The following UFD1 variants were observed in gnomAD, a reference collection of about 807,000 sequenced individuals.
The protein encoded by UFD1 is ubiquitin recognition factor in ER associated degradation 1.
In UFD1, 13 loss-of-function variants were observed where a neutral mutation model predicts 45.9. The ratio of observed to expected loss-of-function variants is 0.28; its 90% confidence interval spans 0.18 to 0.45. The LOEUF is 0.45. UFD1 is among the 20% of genes least tolerant of loss of function. UFD1 has a pLI of 1.00. For synonymous variants in UFD1, 128 were observed against 139.2 expected, an observed-to-expected ratio of 0.92 and a Z score of 0.56; for missense variants, 218 against 389.2, an observed-to-expected ratio of 0.56 and a Z score of 3.70.
At chr22:19,462,933 A>G (rs985856469) in intron 6 of UFD1, among the ~76,000 whole-genome samples, 1 of 152,070 alleles carries the variant, frequency 6.6e-6, no homozygotes, top group African/African-American at 2.4e-5. Flanking sequence ...CTTTGCCCTT[A>G]TTCTTTAAGG....
chr22:19,459,798 G>C (rs1386839180), intron 6 of UFD1, among the ~76,000 whole-genome samples: 2 of 143,840 alleles, frequency 1.4e-5, no homozygotes, highest in African/African-American at 5.1e-5. Flanking sequence ...GAGTGCAATG[G>C]TATGGTCTTG....
At chr22:19,469,147 G>A (rs1195063829) in intron 4 of UFD1, among the ~76,000 whole-genome samples, 1 of 152,220 alleles carries the variant, frequency 6.6e-6, no homozygotes, top group Non-Finnish European at 1.5e-5. Flanking sequence ...GGCACAGAAG[G>A]ATGCAGAGGT....
chr22:19,477,049 A>T lies in UFD1; in HGVS notation c.4-1447T>A, dbSNP rs191743540. On this transcript the variant is annotated intron_variant, in intron 1 of 11. Transcript: ENST00000263202. ...AAAGTTTAATTTATAAATTAGGCACAGTAAGAGATTAACAATTAATAATAA... is the reference window on the plus strand; with the variant it reads ...AAAGTTTAATTTATAAATTAGGCACTGTAAGAGATTAACAATTAATAATAA... Among the ~76,000 whole-genome samples, 757 of 151,884 alleles carry T rather than the reference A, an allele frequency of 5.0e-3. 14 individuals are homozygous for T. Among genetic ancestry groups the T allele is most frequent in the African/African-American group, 0.018 (741 of 41,396 alleles).
At chr22:19,453,525 G>A in intron 11 of UFD1, 1 of 985,514 alleles carries the variant, frequency 1.0e-6, no homozygotes, top group Non-Finnish European at 1.2e-6. Context: ...CCCATGCTAA[G>A]GTCTTAGGTC....
chr22:19,455,803 C>T (rs1199407452), intron 9 of UFD1, 35 bp from the exon 10 acceptor site: 2 of 1,593,648 alleles, frequency 1.3e-6, no homozygotes, highest in Admixed American at 1.7e-5. Context: ...ATAATAAGCC[C>T]AAGTGTGAGG....
Position 19,479,003 on chromosome 22 carries a change from C to CGCCCCGCCCT in UFD1, c.3+70_3+79dup, listed in dbSNP as rs2089921841. 3 of 1,431,128 alleles carry CGCCCCGCCCT rather than the reference C, an allele frequency of 2.1e-6. No individual in the cohort carries two copies. In the Admixed American group the frequency reaches 6.4e-5, roughly 30 times the overall value. The allele number at this position is 1,431,128 out of a possible 1,614,324, so 88.7% of individuals were successfully genotyped here. ...TGACTCGGCACCTCCGCCGCCGTCC[C>CGCCCCGCCCT]GCCCCGCCCTGCCCCGCCGGGCCCT... is the stretch of plus-strand genomic sequence containing the variant. On this transcript the variant is annotated intron_variant, in intron 1 of 11. Transcript: ENST00000263202.
At chr22:19,454,920 ATGC>A (rs2089711469) in intron 10 of UFD1, 90 bp from the exon 11 acceptor site, 2 of 1,426,920 alleles carry the variant, frequency 1.4e-6, no homozygotes, top group Non-Finnish European at 1.9e-6. Flanking sequence ...CGCAGAAAAG[ATGC>A]TGCTGCACCC....
chr22:19,458,241 G>T, intron 6 of UFD1, 102 bp from the exon 7 acceptor site: 2 of 1,229,684 alleles, frequency 1.6e-6, no homozygotes, highest in Non-Finnish European at 2.4e-6. Context: ...GAATGACACA[G>T]CATTCATGCC....
intron 3 of UFD1, among the ~76,000 whole-genome samples, chr22:19,472,431 G>A (rs972961698): frequency 1.3e-5 from 2 of 152,188 alleles, no homozygotes; most frequent in African/African-American, 4.8e-5. Flanking sequence ...CTAGGGCCTG[G>A]GCCCAGCGGG....
rs758150297 is a variant in UFD1 at position 19,450,762 on chromosome 22, A to G, written c.850-18T>C. The G allele has an allele frequency of 6.2e-6, 10 of 1,614,000 alleles. No individual in the cohort carries two copies. The Admixed American group carries it at 1.7e-4, about 27-fold the overall frequency. ...GCTTCATCCTAGGTTTGAAGAGAAG[A>G]TACTATTTTCAGAAACTCCCTGGAG... On this transcript the variant is annotated intron_variant, in intron 11 of 11. Coordinates refer to ENST00000263202, the MANE Select transcript of UFD1 (RefSeq NM_005659.7).
chr22:19,477,068 A>T (rs1351920122), intron 1 of UFD1, among the ~76,000 whole-genome samples: 2 of 152,032 alleles, frequency 1.3e-5, no homozygotes, highest in Non-Finnish European at 2.9e-5. Flanking sequence ...TTAACAATTA[A>T]TAATAAAACA....
intron 11 of UFD1, chr22:19,453,408 T>A (rs1231954739): frequency 2.0e-6 from 2 of 985,326 alleles, no homozygotes; most frequent in Non-Finnish European, 2.4e-6. Flanking sequence ...TTTAAACATA[T>A]ACTTCTTAAA....
At chr22:19,453,742 AGTG>A in intron 11 of UFD1, 1 of 985,510 alleles carries the variant, frequency 1.0e-6, no homozygotes, top group Non-Finnish European at 1.2e-6. Flanking sequence ...CAAACTTCAC[AGTG>A]GTCTCTGTCC....
In UFD1 at chr22:19,459,755, T is replaced by C. The variant is rs866587938; in HGVS notation, c.496-1616A>G. Among the ~76,000 whole-genome samples, 334 of 120,092 alleles carry C rather than the reference T, an allele frequency of 2.8e-3. 4 individuals carry two copies. The highest frequency in any genetic ancestry group is 6.6e-3 in the African/African-American group (244 of 37,024). The allele number at this position is 120,092 out of a possible 152,430, so 78.8% of individuals were successfully genotyped here. On this transcript the variant is annotated intron_variant, in intron 6 of 11. Coordinates refer to ENST00000263202, the MANE Select transcript of UFD1 (RefSeq NM_005659.7). ...TCTTGCTTTTTTTTTTTTTTTTTTT[T>C]CGAGATGGAGGCTCGCTCTGGCACC...
At chr22:19,457,823 G>T (rs1601889168) in intron 7 of UFD1, among the ~76,000 whole-genome samples, 2 of 151,570 alleles carry the variant, frequency 1.3e-5, no homozygotes, top group South Asian at 2.1e-4. Flanking sequence ...AAAAAAAAAA[G>T]AATATTCACT....
intron 3 of UFD1, among the ~76,000 whole-genome samples, chr22:19,472,211 T>C (rs1292627846): frequency 6.6e-6 from 1 of 152,150 alleles, no homozygotes; most frequent in Non-Finnish European, 1.5e-5. Flanking sequence ...GCAGAGCTAC[T>C]GGGCTAGGCT....
intron 1 of UFD1, among the ~76,000 whole-genome samples, 171 bp from the exon 2 acceptor site, chr22:19,475,773 T>C (rs1379521580): frequency 1.3e-5 from 2 of 152,202 alleles, no homozygotes; most frequent in Non-Finnish European, 2.9e-5. Flanking sequence ...AAGCCTGTCC[T>C]GAACCTTTTT....
chr22:19,464,658 C>G (rs1194172066), intron 6 of UFD1, among the ~76,000 whole-genome samples: 1 of 152,238 alleles, frequency 6.6e-6, no homozygotes. Flanking sequence ...AGAGAAGCTG[C>G]TAAGTGAAAA....
In UFD1 at chr22:19,456,610, A is replaced by C. The variant is rs769825596; in HGVS notation, c.655T>G (p.Tyr219Asp). The change falls in exon 9 of 12, where the codon TAT becomes GAT. Residue 219 changes from tyrosine to aspartate, a missense_variant. Tyr to Asp is a radical substitution (Grantham distance 160). Transcript: ENST00000263202. ...ACGCGGAAGCCCAGCTCTCCAGCAT[A>C]GCCACTGTGGTCGGCTTCACCTTCC... Reference protein sequence around the residue: ...STEGEADHSGYAGELGFRAFS... With the variant: ...STEGEADHSGDAGELGFRAFS... The C allele has an allele frequency of 6.2e-7, 1 of 1,614,192 alleles. No homozygotes were observed. Among genetic ancestry groups the C allele is most frequent in the Non-Finnish European group, 8.5e-7 (1 of 1,180,032 alleles).
Sources: gnomAD v4.1 joint callset for allele counts (sites outside exome capture counted in the v4.1 genomes callset) on GRCh38, gnomAD v4.1.1 for gene constraint, MANE v1.5 for transcripts, NCBI Gene and HGNC (gene_info 2026-07-23, HGNC 2026-07-21) for gene names.